SLIT3: variants seen among roughly 807,000 people sequenced by gnomAD.
SLIT3 encodes slit guidance ligand 3.
A neutral mutation model predicts 184.0 loss-of-function variants in SLIT3; 68 were observed. The observed-to-expected ratio is 0.37, with a 90% confidence interval of 0.30 to 0.45. The LOEUF is 0.45. Ranked by LOEUF, SLIT3 falls within the 20% of genes least tolerant of loss-of-function variation. SLIT3 has a pLI of 1.00. For missense variants in SLIT3, 1,707 were observed against 2,026.0 expected, an observed-to-expected ratio of 0.84 and a Z score of 3.02; for synonymous variants, 831 against 828.6, an observed-to-expected ratio of 1.00 and a Z score of -0.05.
In SLIT3 at chr5:168,860,879, G is replaced by A. The variant is rs576129633; in HGVS notation, c.486-16224C>T. ...CAGCTTTCCCCTTGCTCCTGTTTCT[G>A]CCCGACTCTGGTGCTTCCCCTGCGG... is the stretch of plus-strand genomic sequence containing the variant. On this transcript the variant is annotated intron_variant, in intron 5 of 35. Transcript: ENST00000519560. 6.6e-5 allele frequency among the ~76,000 whole-genome samples: 10 copies of A among 152,266 alleles called. 1 individual carries two copies. The highest frequency in any genetic ancestry group is 1.9e-4 in the African/African-American group (8 of 41,558).
intron 4 of SLIT3, among the ~76,000 whole-genome samples, chr5:168,940,198 T>C (rs1762287426): frequency 6.6e-6 from 1 of 152,204 alleles, no homozygotes; most frequent in African/African-American, 2.4e-5. Context: ...GTTTGCTCTG[T>C]TCAAGTCTTC....
intron 4 of SLIT3, among the ~76,000 whole-genome samples, chr5:169,088,919 C>A (rs1274834997): frequency 6.9e-6 from 1 of 145,826 alleles, no homozygotes; most frequent in African/African-American, 2.5e-5. Flanking sequence ...GCCTGGGAGG[C>A]TGAGGCAGGA....
intron 5 of SLIT3, among the ~76,000 whole-genome samples, chr5:168,868,878 G>A (rs1335488463): frequency 6.6e-6 from 1 of 151,996 alleles, no homozygotes; most frequent in East Asian, 1.9e-4. Context: ...GTGTGCCCAA[G>A]ATCACCAGCT....
chr5:169,005,960 A>C (rs1755909167), intron 4 of SLIT3, among the ~76,000 whole-genome samples: 1 of 152,262 alleles, frequency 6.6e-6, no homozygotes, highest in Non-Finnish European at 1.5e-5. Flanking sequence ...TGCCCATAGA[A>C]AATTCAACAG....
intron 4 of SLIT3, among the ~76,000 whole-genome samples, chr5:169,188,707 T>C (rs1206391827): frequency 6.6e-6 from 1 of 152,214 alleles, no homozygotes; most frequent in Non-Finnish European, 1.5e-5. Context: ...CCATCTTCCA[T>C]GGAGCATTTA....
chr5:169,279,484 G>A (rs1045575535), intron 1 of SLIT3, among the ~76,000 whole-genome samples: 1 of 152,136 alleles, frequency 6.6e-6, no homozygotes, highest in African/African-American at 2.4e-5. Flanking sequence ...AAAAGGAAGA[G>A]AAAGAGAAAT....
chr5:168,698,277 T>G (rs535358095), intron 27 of SLIT3, among the ~76,000 whole-genome samples: 2 of 152,222 alleles, frequency 1.3e-5, no homozygotes, highest in East Asian at 3.8e-4. Context: ...AACGTGATCT[T>G]ATTTTGAAAT....
At chr5:168,668,713 T>C (rs1451338590) in intron 35 of SLIT3, among the ~76,000 whole-genome samples, 1 of 152,162 alleles carries the variant, frequency 6.6e-6, no homozygotes, top group Non-Finnish European at 1.5e-5. Context: ...CCTCCCAAAA[T>C]GCTAGGATTC....
intron 29 of SLIT3, among the ~76,000 whole-genome samples, chr5:168,691,741 GAGA>G (rs1257832940): frequency 5.3e-5 from 8 of 152,214 alleles, no homozygotes; most frequent in African/African-American, 1.9e-4. Flanking sequence ...AGATTGCTGG[GAGA>G]AGAAGGAGGC....
chr5:168,979,283 C>T (rs951492473), intron 4 of SLIT3, among the ~76,000 whole-genome samples: 4 of 152,084 alleles, frequency 2.6e-5, no homozygotes, highest in Non-Finnish European at 4.4e-5. Context: ...TGTTGGGGCC[C>T]GAAGAGGACA....
chr5:169,016,318 A>G (rs1261290225), intron 4 of SLIT3, among the ~76,000 whole-genome samples: 1 of 152,154 alleles, frequency 6.6e-6, no homozygotes, highest in East Asian at 1.9e-4. Flanking sequence ...ATACAGAAGC[A>G]CATGTGCTCA....
chr5:169,127,671 A>G (rs1056329367), intron 4 of SLIT3, among the ~76,000 whole-genome samples: 1 of 152,192 alleles, frequency 6.6e-6, no homozygotes, highest in African/African-American at 2.4e-5. Flanking sequence ...TTGGTCTCTT[A>G]TCTTTAGCAT....
intron 4 of SLIT3, among the ~76,000 whole-genome samples, chr5:168,955,393 A>T (rs1032192360): frequency 1.3e-5 from 2 of 151,706 alleles, no homozygotes; most frequent in Non-Finnish European, 2.9e-5. Context: ...AATGGTTAGG[A>T]CTCAATTGCT....
At chr5:168,768,993 T>G (rs920586222) in intron 14 of SLIT3, among the ~76,000 whole-genome samples, 3 of 152,306 alleles carry the variant, frequency 2.0e-5, no homozygotes, top group Non-Finnish European at 1.5e-5. Context: ...AGTTGTTGTT[T>G]GAGAACACTG....
chr5:168,998,633 G>A (rs1202936152), intron 4 of SLIT3, among the ~76,000 whole-genome samples: 1 of 152,090 alleles, frequency 6.6e-6, no homozygotes, highest in Non-Finnish European at 1.5e-5. Flanking sequence ...GAACCCGAGA[G>A]GCAGAGGTTG....
intron 32 of SLIT3, among the ~76,000 whole-genome samples, chr5:168,680,865 C>T (rs559075501): frequency 2.3e-4 from 35 of 152,218 alleles, no homozygotes; most frequent in African/African-American, 7.2e-4. Flanking sequence ...AAAATATTTG[C>T]TCCTGGTGGG....
At chr5:169,285,737 G>C (rs1180104262) in intron 1 of SLIT3, among the ~76,000 whole-genome samples, 3 of 152,212 alleles carry the variant, frequency 2.0e-5, no homozygotes, top group Non-Finnish European at 4.4e-5. Flanking sequence ...GGTCACATGT[G>C]TAGACACCCT....
intron 4 of SLIT3, among the ~76,000 whole-genome samples, chr5:169,017,189 G>C (rs967936298): frequency 6.6e-6 from 1 of 152,156 alleles, no homozygotes; most frequent in Non-Finnish European, 1.5e-5. Context: ...AGGCAAATTC[G>C]TGGCATAGAC....
At chr5:168,823,604 CT>C in intron 6 of SLIT3, among the ~76,000 whole-genome samples, 1 of 152,276 alleles carries the variant, frequency 6.6e-6, no homozygotes, top group South Asian at 2.1e-4. Flanking sequence ...TCCTGAAACC[CT>C]CCTATGCACT....
Sources: allele counts gnomAD v4.1 joint callset (sites outside exome capture counted in the v4.1 genomes callset), GRCh38; gene constraint gnomAD v4.1.1; transcripts MANE v1.5; gene names NCBI Gene and HGNC (gene_info 2026-07-23, HGNC 2026-07-21).